Variants in ETNK1 observed in about 807,000 individuals in gnomAD.
ETNK1 encodes the protein ethanolamine kinase 1.
In ETNK1, 8 loss-of-function variants were observed where a neutral mutation model predicts 45.1. The ratio of observed to expected loss-of-function variants is 0.18; its 90% CI spans 0.10 to 0.32. The LOEUF (loss-of-function observed/expected upper bound fraction) is 0.32, where lower values mean the gene tolerates loss of function less well. Ranked by LOEUF, ETNK1 falls within the 10% of genes least tolerant of loss-of-function variation. The pLI, the probability that ETNK1 is intolerant of heterozygous loss-of-function variation, is 1.00. For missense variants in ETNK1, 302 were observed against 430.6 expected (o/e 0.70, Z 2.64); for synonymous variants, 152 against 151.9 (o/e 1.00, Z -0.01).
intron 3 of ETNK1, among the ~76,000 whole-genome samples, chr12:22,659,976 T>C (rs1048311763): frequency 6.7e-6 from 1 of 149,996 alleles, no homozygotes; most frequent in South Asian, 2.1e-4. Context: ...ATTTTGTTTG[T>C]TCATGATTTA....
At chr12:22,654,715 TTA>T (rs1463488113) in intron 2 of ETNK1, among the ~76,000 whole-genome samples, 1 of 152,108 alleles carries the variant, frequency 6.6e-6, no homozygotes, top group African/African-American at 2.4e-5. Context: ...AAAGCAATCT[TTA>T]TTATTATTAT....
intron 6 of ETNK1, among the ~76,000 whole-genome samples, chr12:22,678,861 T>C (rs796394904): frequency 5.3e-5 from 8 of 152,366 alleles, no homozygotes; most frequent in African/African-American, 1.9e-4. Flanking sequence ...TGACAGAGTG[T>C]AGCCTGTCAC....
At position 22,676,471 on chromosome 12, in the gene ETNK1, G is replaced by A. The variant is rs142116540; in HGVS notation, c.945+2811G>A. ...GTGAATAGTGCCTCAGTAAACATAC[G>A]TGTGCATGTGTCTTTATAGTAGAAT... On this transcript the variant is annotated intron_variant, in intron 6 of 7. Coordinates refer to ENST00000266517, the MANE Select transcript of ETNK1 (RefSeq NM_018638.5). 5.7e-3 allele frequency among the ~76,000 whole-genome samples: 864 copies of A among 152,092 alleles called. 7 individuals carry two copies. Among genetic ancestry groups the A allele is most frequent in the African/African-American group, 0.02 (817 of 41,496 alleles).
chr12:22,643,553 GC>G (rs2137534198), intron 1 of ETNK1, among the ~76,000 whole-genome samples: 1 of 152,076 alleles, frequency 6.6e-6, no homozygotes, highest in East Asian at 1.9e-4. Context: ...TGAATTAAGG[GC>G]AACATGTTAA....
intron 4 of ETNK1, among the ~76,000 whole-genome samples, chr12:22,666,299 T>C (rs534040044): frequency 1.3e-5 from 2 of 152,300 alleles, no homozygotes; most frequent in South Asian, 4.1e-4. Context: ...GATATGGTGA[T>C]AGAATTTGAT....
At chr12:22,664,267 A>G (rs1448668379) in intron 4 of ETNK1, among the ~76,000 whole-genome samples, 1 of 152,038 alleles carries the variant, frequency 6.6e-6, no homozygotes, top group Admixed American at 6.6e-5. Flanking sequence ...TATGCATATA[A>G]TATAACTAGT....
At chr12:22,657,209 A>G (rs1953953576) in intron 2 of ETNK1, among the ~76,000 whole-genome samples, 1 of 152,206 alleles carries the variant, frequency 6.6e-6, no homozygotes, top group East Asian at 1.9e-4. Context: ...GTCTTAGGGA[A>G]GGTCATTCAA....
chr12:22,662,712 T>C (rs1954018032), intron 4 of ETNK1, among the ~76,000 whole-genome samples: 1 of 152,210 alleles, frequency 6.6e-6, no homozygotes, highest in African/African-American at 2.4e-5. Flanking sequence ...AACCAGTTTT[T>C]GAAGATAGTT....
intron 1 of ETNK1, among the ~76,000 whole-genome samples, chr12:22,641,404 GT>G (rs1953734827): frequency 6.6e-6 from 1 of 152,148 alleles, no homozygotes; most frequent in Non-Finnish European, 1.5e-5. Context: ...GGTAATTTTT[GT>G]CATTTGGACA....
chr12:22,630,927 G>T (rs1029826595), intron 1 of ETNK1, among the ~76,000 whole-genome samples: 1 of 151,900 alleles, frequency 6.6e-6, no homozygotes, highest in Admixed American at 6.6e-5. Flanking sequence ...TTTTTAAGCA[G>T]GTAAATTATA....
At chr12:22,643,032 C>A (rs774062614) in intron 1 of ETNK1, among the ~76,000 whole-genome samples, 1 of 151,922 alleles carries the variant, frequency 6.6e-6, no homozygotes, top group Non-Finnish European at 1.5e-5. Flanking sequence ...TTAAAAAATA[C>A]CATAGAAATC....
intron 1 of ETNK1, among the ~76,000 whole-genome samples, chr12:22,632,942 C>T (rs1416722647): frequency 6.6e-6 from 1 of 152,200 alleles, no homozygotes; most frequent in Non-Finnish European, 1.5e-5. Context: ...CCATGACCGA[C>T]TAGCATTCCA....
intron 1 of ETNK1, among the ~76,000 whole-genome samples, chr12:22,642,636 A>G (rs1360873766): frequency 6.6e-6 from 1 of 152,054 alleles, no homozygotes; most frequent in Non-Finnish European, 1.5e-5. Context: ...TTAATATCAT[A>G]TCAATCTAAT....
chr12:22,678,744 A>G (rs995000880), intron 6 of ETNK1, among the ~76,000 whole-genome samples: 7 of 152,246 alleles, frequency 4.6e-5, no homozygotes, highest in African/African-American at 9.6e-5. Flanking sequence ...ATCCATGAAG[A>G]CACTTGAAGT....
chr12:22,656,415 T>TA lies in ETNK1; in HGVS notation c.417-2598dup, dbSNP rs936121812. On this transcript the variant is annotated intron_variant, in intron 2 of 7. Coordinates refer to ENST00000266517, the MANE Select transcript of ETNK1 (RefSeq NM_018638.5). ...CCTTGTCTTCTGATCTCAGTAAACTTACACTGATTGTTTCAGATCAGAAGA... is the reference window on the plus strand; with the variant it reads ...CCTTGTCTTCTGATCTCAGTAAACTTAACACTGATTGTTTCAGATCAGAAGA... The TA allele has an allele frequency of 4.1e-6, 4 of 985,294 alleles. No individual in the cohort carries two copies. The African/African-American group carries it at 5.2e-5, about 13-fold the overall frequency. The allele number at this position is 985,294 out of a possible 1,614,324, so 61.0% of individuals were successfully genotyped here. A position where few individuals can be genotyped will look rare whatever the true frequency, so the allele number is the denominator to read the frequency against.
chr12:22,675,049 A>T (rs1409374480), intron 6 of ETNK1, among the ~76,000 whole-genome samples: 3 of 152,146 alleles, frequency 2.0e-5, no homozygotes, highest in African/African-American at 7.2e-5. Context: ...TTCTTTTGAA[A>T]TTGATTTTAT....
intron 2 of ETNK1, among the ~76,000 whole-genome samples, chr12:22,649,802 A>G (rs1953851995): frequency 6.6e-6 from 1 of 152,106 alleles, no homozygotes; most frequent in South Asian, 2.1e-4. Flanking sequence ...GGGATACAGT[A>G]TACATGTAAA....
chr12:22,648,409 T>A (rs1953833665), intron 2 of ETNK1, among the ~76,000 whole-genome samples: 1 of 152,018 alleles, frequency 6.6e-6, no homozygotes, highest in African/African-American at 2.4e-5. Context: ...CAACCACTGA[T>A]CTTTTTACTG....
intron 5 of ETNK1, 131 bp downstream of exon 5, chr12:22,671,486 T>G: frequency 4.4e-6 from 3 of 679,764 alleles, no homozygotes. Flanking sequence ...TTTCTTTGCT[T>G]TTGTTTATCA....
Sources: allele counts gnomAD v4.1 joint callset (sites outside exome capture counted in the v4.1 genomes callset), GRCh38; gene constraint gnomAD v4.1.1; transcripts MANE v1.5; gene names NCBI Gene and HGNC (gene_info 2026-07-23, HGNC 2026-07-21).